Variants in MUC4 observed in about 807,000 individuals in gnomAD.
MUC4 encodes mucin-4.
A neutral mutation model predicts 257.9 loss-of-function variants in MUC4; 202 were observed. The ratio of observed to expected loss-of-function variants is 0.78; its 90% confidence interval spans 0.70 to 0.88. The LOEUF (loss-of-function observed/expected upper bound fraction) is 0.88, where lower values mean the gene tolerates loss of function less well. MUC4 is among the 40% of genes least tolerant of loss of function. The pLI is 0.00. For missense variants in MUC4, 5,976 were observed against 6,513.7 expected, an observed-to-expected ratio of 0.92 and a Z score of 2.84; for synonymous variants, 2,351 against 2,757.1, an observed-to-expected ratio of 0.85 and a Z score of 4.62.
rs150142703 is a variant in MUC4 at position 195,750,922 on chromosome 3, T to A, written c.15838A>T (p.Ile5280Phe). ...ACATCGCGCACGTCTTCCCCGGAGA[T>A]GGGCTGGAAGACCACGTCGTTCCTG... The part of the protein sequence containing the change: ...EPRNDVVFQP[I>F]SGEDVRDVTA... The change falls in exon 23 of 25, where the codon ATC becomes TTC. Residue 5280 changes from isoleucine (I) to phenylalanine (F), a missense_variant. By Grantham distance (21) the Ile-to-Phe change is conservative. This residue lies in a region of MUC4 where 310 missense variants were observed against 242.1 expected (regional missense o/e 1.28). Transcript: ENST00000463781. 125 of 1,613,774 alleles carry A rather than the reference T, an allele frequency of 7.7e-5. No individual in the cohort carries two copies. The highest frequency in any genetic ancestry group is 6.4e-4 in the African/African-American group (48 of 74,888).
rs6792437 is a variant in MUC4 at position 195,752,355 on chromosome 3, G to T, written c.15582+18C>A. The T allele has an allele frequency of 1.2e-6, 2 of 1,605,536 alleles. No individual in the cohort carries two copies. ...CCAAGCGCCCCCTCCCACCCAGAGCGCGGCCTGCAGCACTGACCGAGGCGT... is the reference window on the plus strand; with the variant it reads ...CCAAGCGCCCCCTCCCACCCAGAGCTCGGCCTGCAGCACTGACCGAGGCGT... On this transcript the variant is annotated intron_variant, in intron 21 of 24. Coordinates refer to ENST00000463781, the MANE Select transcript of MUC4 (RefSeq NM_018406.7).
rs752266216 is a variant in MUC4 at position 195,790,158 on chromosome 3, A to G, written c.1422T>C (p.Gly474=). 1 of 1,613,998 alleles carries G rather than the reference A, an allele frequency of 6.2e-7. No individual in the cohort carries two copies. The highest frequency in any genetic ancestry group is 8.5e-7 in the Non-Finnish European group (1 of 1,179,896). Reference sequence around the variant, plus strand: ...GTAGAGTAAATATTTCTTGAGACACACCTGGAGAGAATGAGCTCCTCTCAT... The same window carrying G: ...GTAGAGTAAATATTTCTTGAGACACGCCTGGAGAGAATGAGCTCCTCTCAT... ...RPHERSSFSP[G]VSQEIFTLHE... The change falls in exon 2 of 25, where the codon GGT becomes GGC. Residue 474 remains glycine, a synonymous_variant. Coordinates refer to ENST00000463781, the MANE Select transcript of MUC4 (RefSeq NM_018406.7).
Position 195,759,206 on chromosome 3 carries a change from C to T in MUC4, c.14904G>A (p.Gln4968=), listed in dbSNP as rs765858616. Residue 4968 remains glutamine (Q), a synonymous_variant, in exon 17 of 25, where the codon CAG becomes CAA. Coordinates refer to ENST00000463781, the MANE Select transcript of MUC4 (RefSeq NM_018406.7). The part of the protein sequence containing the change: ...GGRVIEAYKG[Q]TTLIQYTSNA... ...TGCTGGTGTACTGAATCAGCGTGGT[C>T]TGCCCCTTGTAGGCTTCAATCACAC... 6.2e-7 allele frequency: 1 copy of T among 1,614,078 alleles called. No homozygotes were observed. The highest frequency in any genetic ancestry group is 8.5e-7 in the Non-Finnish European group (1 of 1,179,996).
Position 195,791,244 on chromosome 3 carries a change from C to CTCCTGCGTAACAGTT in MUC4, c.335_336insAACTGTTACGCAGGA (p.Thr113_Ala114insValThrGlnGluThr), listed in dbSNP as rs775286219. On this transcript the variant is annotated inframe_insertion, in exon 2 of 25. Transcript: ENST00000463781. ...TGGTCATTTCATCTGGAGGAGCTGTCTCCATCACATTGTGTACACTTGGGG... is the reference window on the plus strand; with the variant it reads ...TGGTCATTTCATCTGGAGGAGCTGTCTCCTGCGTAACAGTTTCCATCACATTGTGTACACTTGGGG... 2.9e-5 allele frequency: 47 copies of CTCCTGCGTAACAGTT among 1,613,146 alleles called. No homozygotes were observed. The highest frequency in any genetic ancestry group is 4.0e-5 in the Non-Finnish European group (47 of 1,179,548).
At chr3:195,791,551 T>C (rs1733869416) in intron 1 of MUC4, 54 bp from the exon 2 acceptor site, 1 of 1,126,064 alleles carries the variant, frequency 8.9e-7, no homozygotes, top group East Asian at 2.4e-5. Flanking sequence ...TGAACTCCTA[T>C]TCACAATTGC....
chr3:195,768,991 T>C (rs1455689285), intron 7 of MUC4, 31 bp downstream of exon 7: 1 of 1,596,250 alleles, frequency 6.3e-7, no homozygotes, highest in Middle Eastern at 1.7e-4. Context: ...CCCTGCCAAC[T>C]GCTCAGTGCT....
Position 195,766,718 on chromosome 3 carries a change from C to CA in MUC4, c.13562dup (p.Met4521IlefsTer12), listed in dbSNP as rs753269070. The CA allele has an allele frequency of 6.2e-7, 1 of 1,614,064 alleles. No individual in the cohort carries two copies. The highest frequency in any genetic ancestry group is 1.3e-5 in the African/African-American group (1 of 74,932). On this transcript the variant is annotated frameshift_variant, in exon 8 of 25. Transcript: ENST00000463781. LOFTEE classifies it high-confidence loss of function. ...GATACCTCTCCCACACTGGCTGGGACATCAGTGGGCTGTTTTCGAAATAGC... is the reference window on the plus strand; with the variant it reads ...GATACCTCTCCCACACTGGCTGGGACAATCAGTGGGCTGTTTTCGAAATAGC...
chr3:195,748,870 G>T (rs776474967), intron 24 of MUC4, 32 bp downstream of exon 24: 18 of 1,533,648 alleles, frequency 1.2e-5, no homozygotes, highest in Non-Finnish European at 1.6e-5. Context: ...CCCCAGCACT[G>T]TCCTCCACCT....
chr3:195,811,212 C>T (rs1173226316), intron 1 of MUC4, among the ~76,000 whole-genome samples: 1 of 151,466 alleles, frequency 6.6e-6, no homozygotes, highest in African/African-American at 2.4e-5. Flanking sequence ...CTCGCTCTCT[C>T]TCCCAGGCTG....
chr3:195,784,421 C>T lies in MUC4; in HGVS notation c.7159G>A (p.Val2387Ile), dbSNP rs760560054. 6 of 1,455,054 alleles carry T rather than the reference C, an allele frequency of 4.1e-6. No homozygotes were observed. The highest frequency in any genetic ancestry group is 5.6e-6 in the Non-Finnish European group (6 of 1,076,478). The allele number at this position is 1,455,054 out of a possible 1,614,324, so 90.1% of individuals were successfully genotyped here. ...GTGGATGCTGAGGAAGCGTCGGTGA[C>T]AGGAAGAGGGGTGGTGTGACCTGAG... ...ASSGHTTPLP[V>I]TDASSASTGD... is the part of the protein sequence containing the mutation. The change falls in exon 2 of 25, where the codon GTC becomes ATC. Residue 2387 changes from valine to isoleucine, a missense_variant. Physicochemically the swap from Val to Ile is conservative, Grantham distance 29. Coordinates refer to ENST00000463781, the MANE Select transcript of MUC4 (RefSeq NM_018406.7).
At chr3:195,759,389 AT>A in intron 16 of MUC4, 128 bp from the exon 17 acceptor site, 1 of 1,284,676 alleles carries the variant, frequency 7.8e-7, no homozygotes. Context: ...GGAAGAAGGA[AT>A]TATTCTGTGT....
rs368695884 is a variant in MUC4 at position 195,779,684 on chromosome 3, C to T, written c.11896G>A (p.Ala3966Thr). ...TDTSSVSTGH[A>T]TSLPVTSRSS... The stretch of plus-strand genomic sequence containing the variant: ...CGGCTGGTGACAGGAAGAGAGGTGG[C>T]GTGACCTGTGGATACTGAGGAAGTG... The change falls in exon 2 of 25, where the codon GCC becomes ACC. Residue 3966 changes from alanine to threonine, a missense_variant. By Grantham distance (58) the Ala-to-Thr change is moderately conservative. Transcript: ENST00000463781. 8.4e-3 allele frequency: 8,748 copies of T among 1,038,076 alleles called. 59 individuals are homozygous for T. The highest frequency in any genetic ancestry group is 0.011 in the Middle Eastern group (30 of 2,806). 64.3% of individuals were successfully genotyped at this position (1,038,076 alleles called of 1,614,324 possible).
At position 195,791,027 on chromosome 3, in the gene MUC4, T is replaced by G; in HGVS notation, c.553A>C (p.Arg185=). ...GCTGATGTGTCTTGGATAGAGGTCC[T>G]CCAGGAAGTTGTTCGTGATTGTCCT... is the stretch of plus-strand genomic sequence containing the variant. ...QEGQSRTTSW[R]TSIQDTSASS... Residue 185 remains arginine (R), a synonymous_variant, in exon 2 of 25, where the codon AGG becomes CGG. Transcript: ENST00000463781. 6.2e-7 allele frequency: 1 copy of G among 1,613,952 alleles called. No individual in the cohort carries two copies. Among genetic ancestry groups the G allele is most frequent in the Non-Finnish European group, 8.5e-7 (1 of 1,179,880 alleles).
chr3:195,777,688 A>AG (rs1725202229), intron 3 of MUC4, among the ~76,000 whole-genome samples: 1 of 27,800 alleles, frequency 3.6e-5, no homozygotes, highest in Non-Finnish European at 6.5e-5. Context: ...TACCTTCCAC[A>AG]TCCATACCTT....
At chr3:195,770,118 T>A in intron 6 of MUC4, 98 bp downstream of exon 6, 1 of 1,262,408 alleles carries the variant, frequency 7.9e-7, no homozygotes, top group Non-Finnish European at 1.0e-6. Context: ...CAATCTTTCC[T>A]AGAGCCAGAG....
rs199497025 is a variant in MUC4 at position 195,779,996 on chromosome 3, G to A, written c.11584C>T (p.Pro3862Ser). The change falls in exon 2 of 25, where the codon CCT becomes TCT. Residue 3862 changes from proline (P) to serine (S), a missense_variant. Physicochemically the swap from Pro to Ser is moderately conservative, Grantham distance 74. Around this residue, in one of 44 missense-constraint regions of MUC4, gnomAD observed 330 missense variants for 262.0 expected, o/e 1.26. Coordinates refer to ENST00000463781, the MANE Select transcript of MUC4 (RefSeq NM_018406.7). ...GDTMPLPVTS[P>S]SSASTGHATP... Reference sequence around the variant, plus strand: ...GCGTGACCTGTGGATGCTGAGGAAGGGCTAGTGACAGGAAGAGGCATGGTG... The same window carrying A: ...GCGTGACCTGTGGATGCTGAGGAAGAGCTAGTGACAGGAAGAGGCATGGTG... 17 of 1,261,668 alleles carry A rather than the reference G, an allele frequency of 1.3e-5. 1 individual carries two copies. In the South Asian group the frequency reaches 1.9e-4, roughly 14 times the overall value. The allele number at this position is 1,261,668 out of a possible 1,614,324, so 78.2% of individuals were successfully genotyped here.
At chr3:195,770,424 A>C in intron 5 of MUC4, 53 bp from the exon 6 acceptor site, 1 of 1,599,934 alleles carries the variant, frequency 6.3e-7, no homozygotes, top group Non-Finnish European at 8.5e-7. Flanking sequence ...ACTCCTACAC[A>C]TGGGCCCCCC....
chr3:195,747,959 A>T (rs1406920184), intron 24 of MUC4, among the ~76,000 whole-genome samples: 9 of 152,256 alleles, frequency 5.9e-5, no homozygotes, highest in African/African-American at 2.2e-4. Flanking sequence ...ATGCGCAGTC[A>T]CACCCCCGCC....
chr3:195,765,496 G>A, intron 8 of MUC4, 47 bp from the exon 9 acceptor site: 3 of 1,558,356 alleles, frequency 1.9e-6, no homozygotes, highest in African/African-American at 1.4e-5. Flanking sequence ...GGCTGGGGCT[G>A]CAGGCCCTGT....
Sources: gnomAD v4.1 joint callset for allele counts (sites outside exome capture counted in the v4.1 genomes callset) on GRCh38, gnomAD v4.1.1 for gene constraint, gnomAD v4.1.1 regional missense constraint, MANE v1.5 for transcripts, NCBI Gene and HGNC (gene_info 2026-07-23, HGNC 2026-07-21) for gene names.